LINGO2: variants seen among roughly 807,000 people sequenced by gnomAD.
LINGO2 encodes leucine rich repeat and Ig domain containing 2.
LINGO2 carries 14 observed loss-of-function variants against 30.6 expected under a neutral mutation model. The ratio of observed to expected loss-of-function variants is 0.46; its 90% CI spans 0.30 to 0.72. The LOEUF (loss-of-function observed/expected upper bound fraction) is 0.72. LINGO2 is among the 30% of genes least tolerant of loss of function. LINGO2 has a pLI of 0.07. For missense variants in LINGO2, 729 were observed against 751.7 expected (o/e 0.97, Z 0.35); for synonymous variants, 317 against 288.5 (o/e 1.10, Z -1.00).
chr9:29,083,450 G>A, the LINGO2 span, among the ~76,000 whole-genome samples: 1 of 151,960 alleles, frequency 6.6e-6, no homozygotes, highest in African/African-American at 2.4e-5. Flanking sequence ...AGGGAGGGGG[G>A]ATGGATAGCA....
At chr9:28,001,090 C>G (rs879746959) in intron 5 of LINGO2, among the ~76,000 whole-genome samples, 1 of 152,196 alleles carries the variant, frequency 6.6e-6, no homozygotes. Flanking sequence ...TGTGTTTTCA[C>G]ACATTTTTAA....
chr9:28,494,029 A>G (rs576717077), intron 1 of LINGO2, among the ~76,000 whole-genome samples: 35 of 152,164 alleles, frequency 2.3e-4, no homozygotes, highest in African/African-American at 8.4e-4. Context: ...TTATATATAC[A>G]TCTATGCTAT....
chr9:27,973,707 G>C (rs1201702321), intron 5 of LINGO2, among the ~76,000 whole-genome samples: 3 of 152,146 alleles, frequency 2.0e-5, no homozygotes, highest in African/African-American at 7.2e-5. Flanking sequence ...CCTGTGGAAA[G>C]AGTACCTGGG....
intron 4 of LINGO2, among the ~76,000 whole-genome samples, chr9:28,096,140 A>G (rs575748061): frequency 2.0e-5 from 3 of 152,262 alleles, no homozygotes; most frequent in African/African-American, 7.2e-5. Context: ...GATCCTGTCT[A>G]AAAACAAACA....
At chr9:28,850,543 C>T in the LINGO2 span, among the ~76,000 whole-genome samples, 8,147 of 152,046 alleles carry the variant, frequency 0.054, 519 homozygotes, top group African/African-American at 0.16. Flanking sequence ...CATACATAAA[C>T]TCCAGAACTG....
chr9:28,084,320 C>T (rs1463919395), intron 4 of LINGO2, among the ~76,000 whole-genome samples: 1 of 151,994 alleles, frequency 6.6e-6, no homozygotes, highest in Non-Finnish European at 1.5e-5. Context: ...CTATTATGCA[C>T]CTGCAGGTGC....
intron 2 of LINGO2, among the ~76,000 whole-genome samples, chr9:28,455,259 C>G (rs542408592): frequency 6.6e-6 from 1 of 152,038 alleles, no homozygotes; most frequent in African/African-American, 2.4e-5. Flanking sequence ...AGAACACAAG[C>G]ATTGCATGGC....
chr9:28,931,438 T>C, the LINGO2 span, among the ~76,000 whole-genome samples: 1 of 152,204 alleles, frequency 6.6e-6, no homozygotes, highest in Non-Finnish European at 1.5e-5. Flanking sequence ...TTTTCTCTGG[T>C]ACTGAGTTAC....
At chr9:28,313,959 A>C (rs1280070670) in intron 3 of LINGO2, among the ~76,000 whole-genome samples, 11 of 151,608 alleles carry the variant, frequency 7.3e-5, no homozygotes, top group Non-Finnish European at 1.5e-5. Context: ...TTTTAGATGG[A>C]GTCTCGCTCT....
At chr9:28,646,691 T>C (rs12351834) in intron 1 of LINGO2, among the ~76,000 whole-genome samples, 1,972 of 152,220 alleles carry the variant, frequency 0.013, 45 homozygotes, top group African/African-American at 0.044. Context: ...CAGGTCTCCA[T>C]TGTGATTAAG....
the LINGO2 span, among the ~76,000 whole-genome samples, chr9:28,727,408 C>G: frequency 6.6e-6 from 1 of 152,042 alleles, no homozygotes; most frequent in Admixed American, 6.6e-5. Flanking sequence ...GCCTCAGCCT[C>G]CCGAGTAGCT....
At chr9:28,121,205 A>C (rs1827085720) in intron 4 of LINGO2, among the ~76,000 whole-genome samples, 1 of 152,126 alleles carries the variant, frequency 6.6e-6, no homozygotes. Context: ...GCTAGAGAGC[A>C]ATTGTATATA....
chr9:29,124,344 A>AGGCATG, the LINGO2 span, among the ~76,000 whole-genome samples: 3 of 152,208 alleles, frequency 2.0e-5, no homozygotes, highest in African/African-American at 7.2e-5. Flanking sequence ...TTCAAGACAC[A>AGGCATG]GGCATGGGCA....
chr9:29,088,789 C>T, the LINGO2 span, among the ~76,000 whole-genome samples: 1 of 152,066 alleles, frequency 6.6e-6, no homozygotes, highest in Non-Finnish European at 1.5e-5. Flanking sequence ...ACGCAATGCT[C>T]ACAATATAGG....
At chr9:29,040,328 A>G in the LINGO2 span, among the ~76,000 whole-genome samples, 1 of 152,140 alleles carries the variant, frequency 6.6e-6, no homozygotes, top group Non-Finnish European at 1.5e-5. Flanking sequence ...TAACTAAATT[A>G]TGAGCTGAAA....
In LINGO2 at chr9:28,049,093, T is replaced by C. The variant is rs145223083; in HGVS notation, c.-86-36688A>G. Reference sequence around the variant, plus strand: ...CCTCTTCTGTAACAGAGTAATGTGTTTGCACATCACTAAGTGTATGCAATG... The same window carrying C: ...CCTCTTCTGTAACAGAGTAATGTGTCTGCACATCACTAAGTGTATGCAATG... On this transcript the variant is annotated intron_variant, in intron 4 of 5. Coordinates refer to ENST00000379992, the Ensembl canonical transcript of LINGO2. Among the ~76,000 whole-genome samples, 373 of 151,176 alleles carry C rather than the reference T, an allele frequency of 2.5e-3. 12 individuals are homozygous for C. Among genetic ancestry groups the C allele is most frequent in the African/African-American group, 8.8e-3 (360 of 41,010 alleles).
chr9:28,139,278 A>G (rs1827608562), intron 4 of LINGO2, among the ~76,000 whole-genome samples: 1 of 152,228 alleles, frequency 6.6e-6, no homozygotes, highest in Non-Finnish European at 1.5e-5. Flanking sequence ...GGCTTCCAAC[A>G]GCTTTCTACA....
At position 27,993,548 on chromosome 9, in the gene LINGO2, C is replaced by T. The variant is rs78396492; in HGVS notation, c.-36+18807G>A. Among the ~76,000 whole-genome samples, 1,316 of 152,124 alleles carry T rather than the reference C, an allele frequency of 8.7e-3. 106 individuals are homozygous for T. The East Asian group carries it at 0.17, about 20-fold the overall frequency. The stretch of plus-strand genomic sequence containing the variant: ...TAACATAGTGAGACCCTGTCACATA[C>T]ACAAAAAAGTTCATATCTAGCCACA... On this transcript the variant is annotated intron_variant, in intron 5 of 5. Coordinates refer to ENST00000379992, the Ensembl canonical transcript of LINGO2.
chr9:27,994,323 C>G (rs781288500), intron 5 of LINGO2, among the ~76,000 whole-genome samples: 2 of 151,516 alleles, frequency 1.3e-5, no homozygotes, highest in African/African-American at 2.4e-5. Context: ...CAAATTGAAA[C>G]TAAAAAAAAG....
Sources: allele counts gnomAD v4.1 joint callset (sites outside exome capture counted in the v4.1 genomes callset), GRCh38; gene constraint gnomAD v4.1.1; transcripts MANE v1.5; gene names NCBI Gene and HGNC (gene_info 2026-07-23, HGNC 2026-07-21).